TMEM72: variants seen among roughly 807,000 people sequenced by gnomAD.
TMEM72 encodes the protein transmembrane protein 72.
A neutral mutation model predicts 16.3 loss-of-function variants in TMEM72; 9 were observed. That is an observed-to-expected ratio of 0.55 (90% CI 0.33 to 0.96). The LOEUF (loss-of-function observed/expected upper bound fraction) is 0.96, where lower values mean the gene tolerates loss of function less well. Ranked by LOEUF, TMEM72 falls within the 40% of genes least tolerant of loss-of-function variation. TMEM72 has a pLI of 0.03. For synonymous variants in TMEM72, 160 were observed against 146.5 expected (o/e 1.09, Z -0.66); for missense variants, 324 against 337.8 (o/e 0.96, Z 0.32).
At chr10:44,925,437 G>A (rs1324373396) in intron 1 of TMEM72, among the ~76,000 whole-genome samples, 1 of 152,246 alleles carries the variant, frequency 6.6e-6, no homozygotes, top group Non-Finnish European at 1.5e-5. Flanking sequence ...GCCCATGCCT[G>A]TCCTACAGAG....
rs546333095 is a variant in TMEM72 at position 44,918,241 on chromosome 10, G to T, written c.70+6659G>T. On this transcript the variant is annotated intron_variant, in intron 1 of 4. Transcript: ENST00000389583. ...GGAATTCAAAATGAGATCTGGGTGGGAACACAGCCAAACCATACCAGGGTA... is the reference window on the plus strand; with the variant it reads ...GGAATTCAAAATGAGATCTGGGTGGTAACACAGCCAAACCATACCAGGGTA... Among the ~76,000 whole-genome samples, 38 of 152,262 alleles carry T rather than the reference G, an allele frequency of 2.5e-4. No individual in the cohort carries two copies. The South Asian group carries it at 7.9e-3, about 32-fold the overall frequency.
chr10:44,912,280 C>A (rs1839948764), intron 1 of TMEM72, among the ~76,000 whole-genome samples: 1 of 152,214 alleles, frequency 6.6e-6, no homozygotes, highest in African/African-American at 2.4e-5. Flanking sequence ...ACTGTTAGAG[C>A]AGAGCCCAGA....
intron 1 of TMEM72, among the ~76,000 whole-genome samples, chr10:44,918,233 C>G (rs997079888): frequency 1.3e-5 from 2 of 152,148 alleles, no homozygotes; most frequent in Non-Finnish European, 2.9e-5. Context: ...AAAATGAGAT[C>G]TGGGTGGGAA....
At position 44,936,312 on chromosome 10, in the gene TMEM72, G is replaced by A. The variant is rs1840400073; in HGVS notation, c.*1178G>A. The A allele has an allele frequency of 6.6e-6, 1 of 152,230 alleles. No individual in the cohort carries two copies. Among genetic ancestry groups the A allele is most frequent in the African/African-American group, 2.4e-5 (1 of 41,456 alleles). The allele number at this position is 152,230 out of a possible 1,614,324, so 9.4% of individuals were successfully genotyped here. A position where few individuals can be genotyped will look rare whatever the true frequency, so the allele number is the denominator to read the frequency against. On this transcript the variant is annotated 3_prime_UTR_variant, in exon 5 of 5. Transcript: ENST00000389583. ...GGAGGAAGAGTCCTGTGGCTTCTCA[G>A]TCCCTGTGGAGGCTAACGCAAAGCT...
chr10:44,918,702 G>A (rs1043779137), intron 1 of TMEM72, among the ~76,000 whole-genome samples: 1 of 152,102 alleles, frequency 6.6e-6, no homozygotes, highest in Non-Finnish European at 1.5e-5. Flanking sequence ...ATGTGTTATG[G>A]ACTAAATGTT....
At chr10:44,911,714 C>A (rs552420048) in intron 1 of TMEM72, 132 bp downstream of exon 1, 3 of 999,858 alleles carry the variant, frequency 3.0e-6, no homozygotes, top group East Asian at 2.6e-5. Context: ...TTTCCCAAGA[C>A]CCCTAGAAAC....
intron 1 of TMEM72, among the ~76,000 whole-genome samples, chr10:44,924,200 C>T (rs907521405): frequency 2.0e-5 from 3 of 152,236 alleles, no homozygotes; most frequent in Non-Finnish European, 4.4e-5. Flanking sequence ...TGTGCCCCTG[C>T]TTCTGCTGTT....
chr10:44,920,743 A>G (rs188122102), intron 1 of TMEM72, among the ~76,000 whole-genome samples: 70 of 152,294 alleles, frequency 4.6e-4, no homozygotes, highest in African/African-American at 1.6e-3. Context: ...CAGCACTCTC[A>G]TTTACTTAGA....
chr10:44,921,726 G>C (rs1840101510), intron 1 of TMEM72, among the ~76,000 whole-genome samples: 2 of 152,254 alleles, frequency 1.3e-5, no homozygotes, highest in South Asian at 4.1e-4. Flanking sequence ...TGCCCTGTGA[G>C]AAGTATGGAA....
chr10:44,916,835 C>T (rs1039022057), intron 1 of TMEM72, among the ~76,000 whole-genome samples: 5 of 152,106 alleles, frequency 3.3e-5, no homozygotes, highest in Non-Finnish European at 7.3e-5. Flanking sequence ...TGCCTTGCTT[C>T]TAGATTTATA....
chr10:44,935,045 G>A lies in TMEM72; in HGVS notation c.739G>A (p.Glu247Lys), dbSNP rs201585558. 8 of 1,613,930 alleles carry A rather than the reference G, an allele frequency of 5.0e-6. No homozygotes were observed. Among genetic ancestry groups the A allele is most frequent in the Non-Finnish European group, 6.8e-6 (8 of 1,179,886 alleles). The change falls in exon 5 of 5, where the codon GAG becomes AAG. Residue 247 changes from glutamate (E) to lysine (K), a missense_variant. Transcript: ENST00000389583. ...EGLDDGDSEP[E>K]ETTSDTTPII... ...TCTGGATGATGGGGACAGTGAGCCA[G>A]AGGAGACCACCTCTGACACGACACC...
At chr10:44,930,774 G>A (rs1840283697) in intron 2 of TMEM72, among the ~76,000 whole-genome samples, 1 of 152,148 alleles carries the variant, frequency 6.6e-6, no homozygotes, top group Non-Finnish European at 1.5e-5. Flanking sequence ...GGTCCTAAGT[G>A]CTTTACAAAT....
Position 44,935,406 on chromosome 10 carries a change from GACCA to G in TMEM72, c.*273_*276del, listed in dbSNP as rs959140591. 38 of 404,068 alleles carry G rather than the reference GACCA, an allele frequency of 9.4e-5. No homozygotes were observed. The highest frequency in any genetic ancestry group is 6.9e-4 in the African/African-American group (34 of 49,194). The allele number at this position is 404,068 out of a possible 1,614,324, so 25.0% of individuals were successfully genotyped here. A position where few individuals can be genotyped will look rare whatever the true frequency, so the allele number is the denominator to read the frequency against. On this transcript the variant is annotated 3_prime_UTR_variant, in exon 5 of 5. Coordinates refer to ENST00000389583, the MANE Select transcript of TMEM72 (RefSeq NM_001123376.3). ...GGAAACCCTTATGCTTCCCCAACAA[GACCA>G]TCACTGCCACTGCGCACGAGGCTGC...
At chr10:44,920,685 AC>A (rs144267479) in intron 1 of TMEM72, among the ~76,000 whole-genome samples, 3,293 of 152,276 alleles carry the variant, frequency 0.022, 117 homozygotes, top group African/African-American at 0.075. Context: ...ACTGATGGGA[AC>A]CGCCTGCCTC....
intron 1 of TMEM72, 80 bp from the exon 2 acceptor site, chr10:44,927,841 C>T: frequency 7.0e-7 from 1 of 1,438,312 alleles, no homozygotes; most frequent in Non-Finnish European, 9.5e-7. Context: ...AGACTCACTC[C>T]ACAGCCAAGG....
intron 1 of TMEM72, among the ~76,000 whole-genome samples, chr10:44,920,927 C>T (rs118108543): frequency 0.01 from 1,589 of 152,326 alleles, 25 homozygotes; most frequent in African/African-American, 0.034. Flanking sequence ...TCAACCCATG[C>T]TGAGACCAGA....
chr10:44,911,665 G>T, intron 1 of TMEM72, 83 bp downstream of exon 1: 1 of 1,474,016 alleles, frequency 6.8e-7, no homozygotes, highest in South Asian at 1.2e-5. Context: ...GTGGCCAGGA[G>T]ACAGCAGGCA....
chr10:44,921,614 G>T lies in TMEM72; in HGVS notation c.71-6307G>T, dbSNP rs536248457. Among the ~76,000 whole-genome samples, 344 of 152,294 alleles carry T rather than the reference G, an allele frequency of 2.3e-3. 1 individual carries two copies. Among genetic ancestry groups the T allele is most frequent in the African/African-American group, 7.8e-3 (325 of 41,560 alleles). On this transcript the variant is annotated intron_variant, in intron 1 of 4. Transcript: ENST00000389583. The stretch of plus-strand genomic sequence containing the variant: ...GTCCCTGGTCCCAGCTCAGGGTAAT[G>T]CCCTGGGGGTATCTGTTCCAGTGAG...
At chr10:44,926,788 C>A (rs563982314) in intron 1 of TMEM72, among the ~76,000 whole-genome samples, 1 of 152,230 alleles carries the variant, frequency 6.6e-6, no homozygotes, top group South Asian at 2.1e-4. Flanking sequence ...CCATGATCGC[C>A]CCTCCCACCC....
Sources: gnomAD v4.1 joint callset for allele counts (sites outside exome capture counted in the v4.1 genomes callset) on GRCh38, gnomAD v4.1.1 for gene constraint, MANE v1.5 for transcripts, NCBI Gene and HGNC (gene_info 2026-07-23, HGNC 2026-07-21) for gene names.